TMEM74: variants seen among roughly 807,000 people sequenced by gnomAD.
TMEM74 encodes transmembrane protein 74.
In TMEM74, 13 loss-of-function variants were observed where a neutral mutation model predicts 18.1. That is an observed-to-expected ratio of 0.72 (90% CI 0.47 to 1.14). The LOEUF (loss-of-function observed/expected upper bound fraction) is 1.14, where lower values mean the gene tolerates loss of function less well. TMEM74 is among the 50% of genes most tolerant of loss of function. The probability of loss-of-function intolerance (pLI) is 0.00; values close to 1 mark genes in which losing one functional copy is unlikely to be tolerated. For missense variants in TMEM74, 372 were observed against 375.9 expected, an observed-to-expected ratio of 0.99 and a Z score of 0.09; for synonymous variants, 159 against 146.6, an observed-to-expected ratio of 1.08 and a Z score of -0.61.
intron 2 of TMEM74, among the ~76,000 whole-genome samples, chr8:108,617,032 C>A (rs945938428): frequency 4.0e-5 from 6 of 151,394 alleles, no homozygotes; most frequent in African/African-American, 1.2e-4. Flanking sequence ...TAGAGCAGAG[C>A]AATTTAGAGT....
chr8:108,744,764 G>C (rs926598871), intron 1 of TMEM74, among the ~76,000 whole-genome samples: 3 of 152,176 alleles, frequency 2.0e-5, no homozygotes, highest in Non-Finnish European at 4.4e-5. Flanking sequence ...TAGACCTAAA[G>C]TTACAATTGG....
chr8:108,647,797 A>G (rs1812734890), intron 2 of TMEM74, among the ~76,000 whole-genome samples: 1 of 152,112 alleles, frequency 6.6e-6, no homozygotes, highest in African/African-American at 2.4e-5. Context: ...TAAACAGGTG[A>G]TTTCAATATA....
intron 2 of TMEM74, among the ~76,000 whole-genome samples, chr8:108,612,655 C>T (rs1377511846): frequency 6.6e-6 from 1 of 152,208 alleles, no homozygotes; most frequent in Non-Finnish European, 1.5e-5. Flanking sequence ...CAGCTCCACA[C>T]ATGCATTTAG....
intron 2 of TMEM74, among the ~76,000 whole-genome samples, chr8:108,621,700 GA>G (rs1341554913): frequency 8.5e-5 from 13 of 152,260 alleles, no homozygotes; most frequent in Non-Finnish European, 1.8e-4. Context: ...CACAAGCATG[GA>G]TTCTGGAGGT....
At chr8:108,745,158 G>T (rs1813836937) in intron 1 of TMEM74, among the ~76,000 whole-genome samples, 2 of 152,094 alleles carry the variant, frequency 1.3e-5, no homozygotes, top group Non-Finnish European at 2.9e-5. Flanking sequence ...TTCTTCCTCT[G>T]TTTAGTTGGG....
chr8:108,745,297 T>C (rs937802321), intron 1 of TMEM74, among the ~76,000 whole-genome samples: 2 of 152,200 alleles, frequency 1.3e-5, no homozygotes, highest in Non-Finnish European at 2.9e-5. Flanking sequence ...TTATGGTCTC[T>C]GTTGTAACTA....
intron 1 of TMEM74, among the ~76,000 whole-genome samples, chr8:108,718,284 T>A (rs190857172): frequency 6.6e-6 from 1 of 151,976 alleles, no homozygotes; most frequent in Non-Finnish European, 1.5e-5. Flanking sequence ...AAGGACCCCC[T>A]GGCTGCTGTA....
chr8:108,766,930 C>T (rs957668915), intron 1 of TMEM74, among the ~76,000 whole-genome samples: 4 of 152,128 alleles, frequency 2.6e-5, no homozygotes, highest in Admixed American at 6.5e-5. Flanking sequence ...AGATGAAGGC[C>T]GGAATACTCA....
At chr8:108,695,344 G>A (rs543256948) in intron 1 of TMEM74, among the ~76,000 whole-genome samples, 2 of 152,326 alleles carry the variant, frequency 1.3e-5, no homozygotes, top group South Asian at 2.1e-4. Context: ...AGTTAGTAAG[G>A]AGGTGTAAGA....
At chr8:108,756,548 A>AAAAGAAAGAAAG (rs57444896) in intron 1 of TMEM74, among the ~76,000 whole-genome samples, 907 of 44,870 alleles carry the variant, frequency 0.02, 35 homozygotes, top group Middle Eastern at 0.062. Context: ...CACTGTAAAG[A>AAAAGAAAGAAAG]AAAGAAAGAA....
At chr8:108,628,356 A>G (rs146689235) in intron 2 of TMEM74, among the ~76,000 whole-genome samples, 113 of 152,192 alleles carry the variant, frequency 7.4e-4, no homozygotes, top group Non-Finnish European at 1.0e-3. Context: ...GCAAAAACTC[A>G]GTTCTCTGCA....
chr8:108,720,870 G>A (rs1813580758), intron 1 of TMEM74, among the ~76,000 whole-genome samples: 2 of 152,144 alleles, frequency 1.3e-5, no homozygotes, highest in African/African-American at 4.8e-5. Flanking sequence ...CTGGGCTCAA[G>A]TGATTCTCCT....
At chr8:108,680,969 G>A (rs1813107976) in intron 1 of TMEM74, among the ~76,000 whole-genome samples, 1 of 152,078 alleles carries the variant, frequency 6.6e-6, no homozygotes, top group Non-Finnish European at 1.5e-5. Context: ...GGGATGTGAA[G>A]GACCTCTTCA....
chr8:108,784,405 C>T lies in TMEM74; in HGVS notation c.694G>A (p.Val232Met). ...ARLGAHLDRC[V>M]IAGLCLLTLG... Reference sequence around the variant, plus strand: ...GTGAGGAGGCAGAGCCCCGCAATCACACAGCGGTCCAGGTGAGCCCCCAGC... The same window carrying T: ...GTGAGGAGGCAGAGCCCCGCAATCATACAGCGGTCCAGGTGAGCCCCCAGC... The change falls in exon 2 of 2, where the codon GTG (valine) becomes ATG (methionine). Residue 232 changes from valine (V) to methionine (M), a missense_variant. By Grantham distance (21) the Val-to-Met change is conservative (BLOSUM62 1). Transcript: ENST00000297459. 6.2e-7 allele frequency: 1 copy of T among 1,614,120 alleles called. No individual in the cohort carries two copies. Among genetic ancestry groups the T allele is most frequent in the Non-Finnish European group, 8.5e-7 (1 of 1,180,026 alleles).
At chr8:108,693,812 G>A (rs796476022) in intron 1 of TMEM74, among the ~76,000 whole-genome samples, 2 of 152,178 alleles carry the variant, frequency 1.3e-5, no homozygotes, top group African/African-American at 2.4e-5. Flanking sequence ...AATAATACAC[G>A]AAGCAGATTC....
At chr8:108,639,210 A>G (rs1812638029) in intron 2 of TMEM74, among the ~76,000 whole-genome samples, 1 of 152,148 alleles carries the variant, frequency 6.6e-6, no homozygotes. Context: ...ATTATAAGGT[A>G]GTTGGTTACT....
intron 2 of TMEM74, among the ~76,000 whole-genome samples, chr8:108,619,243 A>T (rs1497638): frequency 0.21 from 32,011 of 152,176 alleles, 3,407 homozygotes; most frequent in East Asian, 0.27. Flanking sequence ...CTTTCCAGGA[A>T]TAGAAACTAG....
In TMEM74 at chr8:108,747,620, G is replaced by A. The variant is rs897989032; in HGVS notation, n.119+39856C>T. On this transcript the variant is annotated intron_variant and non_coding_transcript_variant, in intron 1 of 3. Transcript: ENST00000518838. The stretch of plus-strand genomic sequence containing the variant: ...GTGCAGGTTTGTTACATAGGTAAAC[G>A]TGTGCCATGGTGGTTTGCTGCACAG... Among the ~76,000 whole-genome samples the A allele has an allele frequency of 4.6e-5, 7 of 151,968 alleles. No homozygotes were observed. In the East Asian group the frequency reaches 1.2e-3, roughly 25 times the overall value.
intron 1 of TMEM74, among the ~76,000 whole-genome samples, chr8:108,768,864 C>A (rs73311985): frequency 6.6e-6 from 1 of 152,104 alleles, no homozygotes; most frequent in East Asian, 1.9e-4. Flanking sequence ...AAGGGGCATG[C>A]CTTCTTTTCC....
Sources: allele counts gnomAD v4.1 joint callset (sites outside exome capture counted in the v4.1 genomes callset), GRCh38; gene constraint gnomAD v4.1.1; transcripts MANE v1.5; gene names NCBI Gene and HGNC (gene_info 2026-07-23, HGNC 2026-07-21).